The following TAF4B variants were observed in gnomAD, a reference collection of about 807,000 sequenced individuals.
TAF4B encodes the protein TATA-box binding protein associated factor 4b, also known as transcription initiation factor TFIID subunit 4B.
In TAF4B, 38 loss-of-function variants were observed where a neutral mutation model predicts 86.4. The observed-to-expected ratio is 0.44, with a 90% confidence interval of 0.34 to 0.58. The LOEUF is 0.58. Among genes scored for constraint, TAF4B ranks in the 20% least tolerant of loss-of-function variants. The pLI, the probability that TAF4B is intolerant of heterozygous loss-of-function variation, is 0.02. For missense variants in TAF4B, 988 were observed against 1,027.6 expected (o/e 0.96, Z 0.53); for synonymous variants, 388 against 391.2 (o/e 0.99, Z 0.10).
intron 1 of TAF4B, among the ~76,000 whole-genome samples, chr18:26,235,051 A>C (rs2055728467): frequency 6.6e-6 from 1 of 152,140 alleles, no homozygotes; most frequent in African/African-American, 2.4e-5. Flanking sequence ...GGGTTGTCCC[A>C]TGAGTTAGAG....
At chr18:26,283,342 A>G (rs2056472680) in intron 6 of TAF4B, among the ~76,000 whole-genome samples, 1 of 152,200 alleles carries the variant, frequency 6.6e-6, no homozygotes, top group Admixed American at 6.5e-5. Context: ...AGACAGGAAG[A>G]CAATAATGAT....
chr18:26,342,633 T>C (rs1007005102), intron 13 of TAF4B, among the ~76,000 whole-genome samples: 2 of 152,240 alleles, frequency 1.3e-5, no homozygotes, highest in Admixed American at 1.3e-4. Flanking sequence ...GTTATACTTA[T>C]AAATGAAGAG....
At chr18:26,376,733 A>G (rs2144364583) in intron 14 of TAF4B, among the ~76,000 whole-genome samples, 1 of 152,214 alleles carries the variant, frequency 6.6e-6, no homozygotes. Context: ...ATGGTGGAGC[A>G]GACATCCTTT....
At chr18:26,369,051 ATAAC>A (rs1292102591) in intron 14 of TAF4B, among the ~76,000 whole-genome samples, 2 of 152,200 alleles carry the variant, frequency 1.3e-5, no homozygotes, top group African/African-American at 4.8e-5. Context: ...TCTGAGAAAA[ATAAC>A]TAGCCTAAGA....
intron 6 of TAF4B, among the ~76,000 whole-genome samples, chr18:26,285,558 C>G (rs1037003287): frequency 6.6e-6 from 1 of 151,920 alleles, no homozygotes; most frequent in African/African-American, 2.4e-5. Flanking sequence ...CTTATAGATA[C>G]TGAAGTTACT....
At chr18:26,357,816 T>C (rs2057300077) in intron 14 of TAF4B, 22 bp downstream of exon 14, 3 of 1,545,946 alleles carry the variant, frequency 1.9e-6, no homozygotes, top group Middle Eastern at 1.9e-4. Flanking sequence ...ATATTCATTA[T>C]TTTATTTTTA....
At chr18:26,298,117 A>G (rs184698445) in intron 9 of TAF4B, among the ~76,000 whole-genome samples, 98 of 144,512 alleles carry the variant, frequency 6.8e-4, no homozygotes, top group African/African-American at 2.4e-3. Context: ...GCATTTCCCT[A>G]GTGACTAATG....
At chr18:26,374,794 TTC>T (rs2057431743) in intron 14 of TAF4B, among the ~76,000 whole-genome samples, 1 of 152,226 alleles carries the variant, frequency 6.6e-6, no homozygotes, top group African/African-American at 2.4e-5. Flanking sequence ...CCTATTTAGC[TTC>T]TGTTTATGTA....
At chr18:26,346,475 G>GA (rs1567913316) in intron 13 of TAF4B, among the ~76,000 whole-genome samples, 1 of 151,652 alleles carries the variant, frequency 6.6e-6, no homozygotes, top group Non-Finnish European at 1.5e-5. Context: ...TCAAGTATTT[G>GA]GAGAGACACA....
At position 26,357,582 on chromosome 18, in the gene TAF4B, A is replaced by G. The variant is rs533737189; in HGVS notation, c.2317-108A>G. On this transcript the variant is annotated intron_variant, in intron 13 of 14. Transcript: ENST00000269142. ...TATGGGAATCTAATGTTTATTTTAT[A>G]TTGTAACTTTATTTGGTGAATGCAG... is the stretch of plus-strand genomic sequence containing the variant. The G allele has an allele frequency of 2.5e-4, 168 of 661,520 alleles. 1 individual carries two copies. Among genetic ancestry groups the G allele is most frequent in the Non-Finnish European group, 3.6e-4 (149 of 414,928 alleles). 41.0% of individuals were successfully genotyped at this position (661,520 alleles called of 1,614,324 possible). A position where few individuals can be genotyped will look rare whatever the true frequency, so the allele number is the denominator to read the frequency against.
chr18:26,374,791 A>G (rs1290280512), intron 14 of TAF4B, among the ~76,000 whole-genome samples: 16 of 152,170 alleles, frequency 1.1e-4, no homozygotes, highest in Non-Finnish European at 1.5e-5. Context: ...TACCCTATTT[A>G]GCTTCTGTTT....
intron 9 of TAF4B, chr18:26,304,872 G>A: frequency 1.0e-6 from 1 of 985,266 alleles, no homozygotes; most frequent in Non-Finnish European, 1.2e-6. Flanking sequence ...GTCACTATAA[G>A]TATTTTCTTT....
intron 1 of TAF4B, among the ~76,000 whole-genome samples, chr18:26,254,148 G>C (rs1483451389): frequency 6.6e-6 from 1 of 151,642 alleles, no homozygotes; most frequent in Non-Finnish European, 1.5e-5. Context: ...GACTGGTCTC[G>C]AGCTCCTGAC....
chr18:26,265,990 G>A (rs1393338095), intron 2 of TAF4B: 1 of 152,074 alleles, frequency 6.6e-6, no homozygotes, highest in African/African-American at 2.4e-5. Flanking sequence ...AGCCAGGCTG[G>A]TTTTGAACTC....
chr18:26,346,883 A>ATG (rs1567914217), intron 13 of TAF4B, among the ~76,000 whole-genome samples: 1 of 7,764 alleles, frequency 1.3e-4, no homozygotes, highest in Non-Finnish European at 4.6e-4. Context: ...ATGTGTATAT[A>ATG]TATATATATA....
At chr18:26,339,907 A>G (rs995305021) in intron 13 of TAF4B, among the ~76,000 whole-genome samples, 44 of 152,336 alleles carry the variant, frequency 2.9e-4, no homozygotes, top group Admixed American at 6.5e-4. Flanking sequence ...TGTGAGTTCA[A>G]TGCATCTGTG....
chr18:26,320,761 C>T (rs1226902479), intron 10 of TAF4B, among the ~76,000 whole-genome samples: 1 of 152,020 alleles, frequency 6.6e-6, no homozygotes, highest in African/African-American at 2.4e-5. Flanking sequence ...TCTGCAGTTA[C>T]CATTTTCCTC....
chr18:26,299,261 T>C (rs965602194), intron 9 of TAF4B, among the ~76,000 whole-genome samples: 6 of 152,208 alleles, frequency 3.9e-5, no homozygotes, highest in Non-Finnish European at 8.8e-5. Flanking sequence ...GTCTTCCTAT[T>C]GCCTGTTTTT....
chr18:26,275,927 A>T (rs1456604746), intron 5 of TAF4B, among the ~76,000 whole-genome samples: 3 of 151,724 alleles, frequency 2.0e-5, no homozygotes, highest in Non-Finnish European at 4.4e-5. Flanking sequence ...GAGGCAGGAG[A>T]ATGGCTTGAA....
Sources: gnomAD v4.1 joint callset for allele counts (sites outside exome capture counted in the v4.1 genomes callset) on GRCh38, gnomAD v4.1.1 for gene constraint, MANE v1.5 for transcripts, NCBI Gene and HGNC (gene_info 2026-07-23, HGNC 2026-07-21) for gene names.